Variants in SETBP1 observed in about 807,000 individuals in gnomAD.
The protein encoded by SETBP1 is SET binding protein 1, also known as SET-binding protein.
In SETBP1, 9 loss-of-function variants were observed where a neutral mutation model predicts 101.0. The ratio of observed to expected loss-of-function variants is 0.09; its 90% CI spans 0.05 to 0.16. The LOEUF (loss-of-function observed/expected upper bound fraction) is 0.16, where lower values mean the gene tolerates loss of function less well. Among genes scored for constraint, SETBP1 ranks in the 10% least tolerant of loss-of-function variants. The pLI, the probability that SETBP1 is intolerant of heterozygous loss-of-function variation, is 1.00. For synonymous variants in SETBP1, 818 were observed against 788.5 expected, an observed-to-expected ratio of 1.04 and a Z score of -0.63; for missense variants, 1,858 against 2,033.8, an observed-to-expected ratio of 0.91 and a Z score of 1.66.
chr18:44,742,535 A>G (rs1468760547), intron 2 of SETBP1, among the ~76,000 whole-genome samples: 2 of 152,252 alleles, frequency 1.3e-5, no homozygotes, highest in Non-Finnish European at 2.9e-5. Context: ...AGAAGCAGCT[A>G]TTGCCATGAA....
intron 4 of SETBP1, among the ~76,000 whole-genome samples, chr18:45,004,632 C>CT (rs1203926199): frequency 6.6e-6 from 1 of 152,220 alleles, no homozygotes; most frequent in Non-Finnish European, 1.5e-5. Flanking sequence ...ACCTGACAGC[C>CT]TTTCCACCAC....
chr18:44,832,890 A>C (rs562492421), intron 2 of SETBP1, among the ~76,000 whole-genome samples: 1 of 152,314 alleles, frequency 6.6e-6, no homozygotes, highest in South Asian at 2.1e-4. Context: ...GAAGCATTTC[A>C]TAGTTGATTT....
chr18:44,688,090 A>G (rs1257903876), intron 1 of SETBP1, among the ~76,000 whole-genome samples: 2 of 152,144 alleles, frequency 1.3e-5, no homozygotes, highest in Non-Finnish European at 2.9e-5. Context: ...TACTGGTTGG[A>G]TATTTAGGAA....
intron 3 of SETBP1, 192 bp downstream of exon 3, chr18:44,869,475 C>T: frequency 1.5e-6 from 1 of 646,412 alleles, no homozygotes; most frequent in South Asian, 1.7e-5. Flanking sequence ...TGGACAAAAC[C>T]ACCTCTTTCT....
rs111586204 is a variant in SETBP1 at position 45,058,637 on chromosome 18, A to G, written c.4172-4442A>G. Reference sequence around the variant, plus strand: ...CGTTTCTACTGTACCATACTCTGCTATTATTCACACAGAGGAATGACAAAT... The same window carrying G: ...CGTTTCTACTGTACCATACTCTGCTGTTATTCACACAGAGGAATGACAAAT... On this transcript the variant is annotated intron_variant, in intron 5 of 5. Coordinates refer to ENST00000649279, the MANE Select transcript of SETBP1 (RefSeq NM_015559.3). Among the ~76,000 whole-genome samples, 29 of 152,318 alleles carry G rather than the reference A, an allele frequency of 1.9e-4. 1 individual carries two copies. Among genetic ancestry groups the G allele is most frequent in the African/African-American group, 6.3e-4 (26 of 41,570 alleles).
intron 3 of SETBP1, among the ~76,000 whole-genome samples, chr18:44,883,396 T>C (rs1476782731): frequency 1.3e-5 from 2 of 152,198 alleles, no homozygotes; most frequent in East Asian, 3.9e-4. Context: ...TTCTCCACAA[T>C]GTCTTTAAAA....
intron 2 of SETBP1, among the ~76,000 whole-genome samples, chr18:44,744,872 C>A (rs1335121718): frequency 6.6e-6 from 1 of 151,920 alleles, no homozygotes; most frequent in Non-Finnish European, 1.5e-5. Context: ...TTCGAGGCTT[C>A]GATTCTGAGA....
intron 4 of SETBP1, among the ~76,000 whole-genome samples, chr18:45,012,158 T>C (rs767238969): frequency 2.0e-5 from 3 of 152,036 alleles, no homozygotes; most frequent in Non-Finnish European, 4.4e-5. Flanking sequence ...GGAATGACCG[T>C]CATGAAGGAA....
At chr18:45,008,897 C>T (rs2072782067) in intron 4 of SETBP1, among the ~76,000 whole-genome samples, 2 of 152,158 alleles carry the variant, frequency 1.3e-5, no homozygotes, top group African/African-American at 4.8e-5. Flanking sequence ...TAGGACAGCT[C>T]TAGCAGCAGA....
intron 4 of SETBP1, among the ~76,000 whole-genome samples, chr18:45,012,649 T>C (rs778291365): frequency 9.2e-5 from 14 of 152,080 alleles, no homozygotes; most frequent in Non-Finnish European, 1.8e-4. Flanking sequence ...ATGTGGTATA[T>C]ATGCACACAT....
rs1157138117 is a variant in SETBP1 at position 44,882,625 on chromosome 18, G to A, written c.540+13342G>A. On this transcript the variant is annotated intron_variant, in intron 3 of 5. Transcript: ENST00000649279. ...CATTGCCTCCTAGTGAGTGACTCTT[G>A]GACTCCTCAAGCCCTCCTTCCCCCA... is the stretch of plus-strand genomic sequence containing the variant. 2.0e-5 allele frequency among the ~76,000 whole-genome samples: 3 copies of A among 151,834 alleles called. No homozygotes were observed. In the East Asian group the frequency reaches 5.8e-4, roughly 29 times the overall value.
intron 4 of SETBP1, among the ~76,000 whole-genome samples, chr18:44,960,003 C>T (rs1294927940): frequency 6.6e-6 from 1 of 152,126 alleles, no homozygotes; most frequent in Non-Finnish European, 1.5e-5. Context: ...CCTTCACCTC[C>T]TGGGTTCATT....
intron 2 of SETBP1, among the ~76,000 whole-genome samples, chr18:44,734,219 C>T (rs1043898206): frequency 1.3e-5 from 2 of 152,204 alleles, no homozygotes; most frequent in African/African-American, 4.8e-5. Context: ...GAGTAAGATG[C>T]ATTGCTTATT....
At chr18:44,853,481 T>G (rs1405512041) in intron 2 of SETBP1, among the ~76,000 whole-genome samples, 1 of 152,102 alleles carries the variant, frequency 6.6e-6, no homozygotes, top group Non-Finnish European at 1.5e-5. Flanking sequence ...CATCGAAACA[T>G]CCCCATCCAA....
At chr18:44,820,016 T>C (rs747102224) in intron 2 of SETBP1, among the ~76,000 whole-genome samples, 1 of 152,218 alleles carries the variant, frequency 6.6e-6, no homozygotes, top group Non-Finnish European at 1.5e-5. Context: ...AACAGACAAC[T>C]GGAAGTTGTA....
chr18:44,935,894 G>C (rs991449479), intron 3 of SETBP1, among the ~76,000 whole-genome samples: 2 of 152,172 alleles, frequency 1.3e-5, no homozygotes, highest in South Asian at 4.1e-4. Context: ...ACATTCACAC[G>C]TGAATGTTCC....
chr18:44,999,775 T>A (rs1248149592), intron 4 of SETBP1, among the ~76,000 whole-genome samples: 1 of 152,242 alleles, frequency 6.6e-6, no homozygotes, highest in Non-Finnish European at 1.5e-5. Context: ...ACAGCACACG[T>A]AATTATTTTT....
intron 4 of SETBP1, among the ~76,000 whole-genome samples, chr18:44,955,370 A>G (rs2071459954): frequency 6.6e-6 from 1 of 152,182 alleles, no homozygotes; most frequent in African/African-American, 2.4e-5. Context: ...GCTGGATTCA[A>G]CCCGAAGAAC....
intron 3 of SETBP1, chr18:44,869,592 G>T: frequency 2.6e-6 from 1 of 386,800 alleles, no homozygotes; most frequent in Admixed American, 3.6e-5. Context: ...ACCAATGGCG[G>T]CAGAGGGTGG....
Sources: gnomAD v4.1 joint callset for allele counts (sites outside exome capture counted in the v4.1 genomes callset) on GRCh38, gnomAD v4.1.1 for gene constraint, MANE v1.5 for transcripts, NCBI Gene and HGNC (gene_info 2026-07-23, HGNC 2026-07-21) for gene names.